The following FMN1 variants were observed in gnomAD, a reference collection of about 807,000 sequenced individuals.
FMN1 encodes the protein formin 1, also known as formin-1.
A neutral mutation model predicts 132.4 loss-of-function variants in FMN1; 110 were observed. The ratio of observed to expected loss-of-function variants is 0.83; its 90% CI spans 0.71 to 0.97. The LOEUF (loss-of-function observed/expected upper bound fraction) is 0.97. FMN1 is among the 50% of genes least tolerant of loss of function. The pLI is 0.00. For synonymous variants in FMN1, 722 were observed against 651.7 expected (o/e 1.11, Z -1.64); for missense variants, 1,792 against 1,705.3 (o/e 1.05, Z -0.90).
At chr15:33,119,165 T>C (rs982991434) in intron 4 of FMN1, among the ~76,000 whole-genome samples, 5 of 152,224 alleles carry the variant, frequency 3.3e-5, no homozygotes, top group East Asian at 1.9e-4. Context: ...TCTGATGATC[T>C]AGTTAGATTC....
At chr15:32,912,834 A>G (rs139406592) in intron 10 of FMN1, among the ~76,000 whole-genome samples, 56 of 152,314 alleles carry the variant, frequency 3.7e-4, no homozygotes, top group South Asian at 8.3e-4. Context: ...CAGCATATCT[A>G]TAAAACAGCT....
chr15:32,981,995 T>G (rs922756809), intron 7 of FMN1, among the ~76,000 whole-genome samples: 4 of 152,140 alleles, frequency 2.6e-5, no homozygotes, highest in African/African-American at 9.7e-5. Context: ...GACACAGGAC[T>G]TGTTTCCAGA....
intron 12 of FMN1, among the ~76,000 whole-genome samples, chr15:32,905,631 AAG>A (rs2060406215): frequency 6.6e-6 from 1 of 152,204 alleles, no homozygotes. Context: ...ACTGGAGTGT[AAG>A]AGAGTTGATG....
intron 16 of FMN1, among the ~76,000 whole-genome samples, chr15:32,879,534 T>C (rs1427622557): frequency 6.6e-6 from 1 of 152,202 alleles, no homozygotes. Flanking sequence ...TTGAGTAAAG[T>C]GCAGACTGCA....
intron 4 of FMN1, among the ~76,000 whole-genome samples, chr15:33,113,479 G>A (rs957568024): frequency 3.3e-5 from 5 of 152,034 alleles, no homozygotes; most frequent in African/African-American, 9.7e-5. Context: ...CATAGGGTAC[G>A]ATATAGACAA....
intron 11 of FMN1, among the ~76,000 whole-genome samples, chr15:32,909,391 T>C (rs2060503675): frequency 6.6e-6 from 1 of 152,230 alleles, no homozygotes; most frequent in Admixed American, 6.5e-5. Flanking sequence ...ATTTGTGTAC[T>C]TTCTGGTTTA....
intron 9 of FMN1, among the ~76,000 whole-genome samples, chr15:32,958,298 T>A (rs1260498904): frequency 1.3e-5 from 2 of 152,172 alleles, no homozygotes; most frequent in Non-Finnish European, 2.9e-5. Flanking sequence ...GAATAAAAGT[T>A]GATACTATCA....
At chr15:32,928,884 T>C (rs190291843) in intron 9 of FMN1, among the ~76,000 whole-genome samples, 73 of 152,276 alleles carry the variant, frequency 4.8e-4, no homozygotes, top group Middle Eastern at 3.4e-3. Context: ...CTCTGTTAGC[T>C]AATTAAAAGA....
At chr15:33,072,680 T>G (rs2141283721) in intron 5 of FMN1, among the ~76,000 whole-genome samples, 1 of 152,252 alleles carries the variant, frequency 6.6e-6, no homozygotes, top group Middle Eastern at 3.4e-3. Flanking sequence ...CCCAGCACTT[T>G]GGGAAGCCAA....
chr15:33,005,644 A>AT (rs142391094), intron 7 of FMN1, among the ~76,000 whole-genome samples: 15,882 of 152,238 alleles, frequency 0.1, 1,118 homozygotes, highest in Middle Eastern at 0.19. Flanking sequence ...TACCAAGAAT[A>AT]TTATTCCACT....
At chr15:33,029,793 T>G (rs1025226207) in intron 6 of FMN1, among the ~76,000 whole-genome samples, 1 of 152,142 alleles carries the variant, frequency 6.6e-6, no homozygotes, top group Admixed American at 6.5e-5. Context: ...AAGGGATCTG[T>G]GGTTTGGGAG....
At chr15:33,109,787 C>T (rs8028864) in intron 4 of FMN1, among the ~76,000 whole-genome samples, 3,325 of 151,154 alleles carry the variant, frequency 0.022, 121 homozygotes, top group African/African-American at 0.076. Context: ...CCCCATGACA[C>T]GTTTACCTAT....
intron 15 of FMN1, among the ~76,000 whole-genome samples, chr15:32,894,124 G>A (rs956942053): frequency 9.2e-5 from 14 of 152,042 alleles, no homozygotes; most frequent in African/African-American, 7.2e-5. Context: ...CTTATTACAC[G>A]TTTGTGAATA....
At chr15:33,034,194 A>G (rs958959842) in intron 6 of FMN1, among the ~76,000 whole-genome samples, 1 of 152,184 alleles carries the variant, frequency 6.6e-6, no homozygotes, top group African/African-American at 2.4e-5. Flanking sequence ...TCAAATTGAC[A>G]TCTCAAGTTT....
chr15:33,109,621 T>C (rs1361098523), intron 4 of FMN1, among the ~76,000 whole-genome samples: 1 of 152,054 alleles, frequency 6.6e-6, no homozygotes, highest in East Asian at 1.9e-4. Context: ...TTCTCACTTA[T>C]AAGCAAGAGC....
intron 6 of FMN1, among the ~76,000 whole-genome samples, chr15:33,050,856 G>A (rs569989555): frequency 4.2e-4 from 64 of 152,336 alleles, no homozygotes; most frequent in Middle Eastern, 3.4e-3. Flanking sequence ...CTACTGTATG[G>A]AATACTATGC....
At chr15:33,128,866 C>T (rs1963404119) in intron 4 of FMN1, among the ~76,000 whole-genome samples, 1 of 152,210 alleles carries the variant, frequency 6.6e-6, no homozygotes, top group Admixed American at 6.5e-5. Flanking sequence ...ACTGCAGAGG[C>T]CTGCGTGCGT....
chr15:32,908,611 A>C, intron 11 of FMN1, 33 bp from the exon 12 acceptor site: 3 of 1,301,314 alleles, frequency 2.3e-6, no homozygotes, highest in Non-Finnish European at 3.2e-6. Flanking sequence ...ACCAAAAAAA[A>C]AAAAAAAAAA....
At chr15:32,782,947 C>T (rs895308674) in intron 19 of FMN1, among the ~76,000 whole-genome samples, 6 of 152,102 alleles carry the variant, frequency 3.9e-5, no homozygotes, top group Admixed American at 6.6e-5. Context: ...GGGAGCTAAA[C>T]AGTGGTTACA....
Sources: allele counts gnomAD v4.1 joint callset (sites outside exome capture counted in the v4.1 genomes callset), GRCh38; gene constraint gnomAD v4.1.1; transcripts MANE v1.5; gene names NCBI Gene and HGNC (gene_info 2026-07-23, HGNC 2026-07-21).